PRSS38: variants seen among roughly 807,000 people sequenced by gnomAD.
The protein encoded by PRSS38 is marapsin 2.
A neutral mutation model predicts 26.8 loss-of-function variants in PRSS38; 22 were observed. The ratio of observed to expected loss-of-function variants is 0.82; its 90% CI spans 0.59 to 1.17. The LOEUF (loss-of-function observed/expected upper bound fraction) is 1.17, where lower values mean the gene tolerates loss of function less well. PRSS38 is among the 50% of genes most tolerant of loss of function. The pLI is 0.00. For missense variants in PRSS38, 427 were observed against 422.7 expected, an observed-to-expected ratio of 1.01 and a Z score of -0.09; for synonymous variants, 175 against 172.1, an observed-to-expected ratio of 1.02 and a Z score of -0.13.
chr1:227,831,617 G>A (rs1665154927), intron 3 of PRSS38, among the ~76,000 whole-genome samples: 1 of 152,170 alleles, frequency 6.6e-6, no homozygotes, highest in Non-Finnish European at 1.5e-5. Flanking sequence ...GCTCACACCT[G>A]TAATCCCAAC....
intron 3 of PRSS38, among the ~76,000 whole-genome samples, chr1:227,824,971 C>T (rs554274635): frequency 7.2e-5 from 11 of 152,028 alleles, no homozygotes; most frequent in Non-Finnish European, 1.3e-4. Flanking sequence ...GGATATTAGA[C>T]CTTTGTCAGA....
chr1:227,846,432 C>G, exon 5 of PRSS38: 1 of 591,236 alleles, frequency 1.7e-6, no homozygotes. Context: ...GCAGAGTGCA[C>G]CTGAGATTTG....
intron 3 of PRSS38, among the ~76,000 whole-genome samples, chr1:227,843,583 T>G (rs1665370327): frequency 6.6e-6 from 1 of 151,724 alleles, no homozygotes; most frequent in Admixed American, 6.6e-5. Flanking sequence ...ATGCCTGTAA[T>G]CCCAGCTACT....
chr1:227,832,763 A>G (rs923855146), intron 3 of PRSS38, among the ~76,000 whole-genome samples: 1 of 152,202 alleles, frequency 6.6e-6, no homozygotes, highest in Non-Finnish European at 1.5e-5. Flanking sequence ...AGAAAATCCC[A>G]ATGAATCCTA....
In PRSS38 at chr1:227,845,767, T is replaced by C. The variant is rs527857257; in HGVS notation, c.726+155T>C. Among the ~76,000 whole-genome samples the C allele has an allele frequency of 4.5e-3, 692 of 152,300 alleles. 1 individual carries two copies. Among genetic ancestry groups the C allele is most frequent in the Non-Finnish European group, 4.8e-3 (329 of 68,000 alleles). On this transcript the variant is annotated intron_variant, in intron 4 of 4. Transcript: ENST00000366757. ...TGTATGACAATGTGTGAACGCCGCA[T>C]GCCTGCAGCAGGCCTCCCCTGCAAC...
chr1:227,837,709 T>A (rs531920886), intron 3 of PRSS38, among the ~76,000 whole-genome samples: 3 of 152,296 alleles, frequency 2.0e-5, no homozygotes, highest in Non-Finnish European at 4.4e-5. Flanking sequence ...TTCAATCCCG[T>A]GAGCAATGTA....
At chr1:227,845,472 G>A in exon 4 of PRSS38, 1 of 1,609,546 alleles carries the variant, frequency 6.2e-7, no homozygotes. Context: ...TCCCACAGGT[G>A]AGACCTCAGA....
rs546351283 is a variant in PRSS38 at position 227,839,894 on chromosome 1, C to T, written c.584-5576C>T. ...CAGGTGCCAACAGCCACACCCTCAG[C>T]GGATCTTTATTCTGAGCCATGTCTT... is the stretch of plus-strand genomic sequence containing the variant. On this transcript the variant is annotated intron_variant, in intron 3 of 4. Coordinates refer to ENST00000366757, the Ensembl canonical transcript of PRSS38. 4.6e-5 allele frequency among the ~76,000 whole-genome samples: 7 copies of T among 152,270 alleles called. No individual in the cohort carries two copies. In the South Asian group the frequency reaches 1.2e-3, roughly 27 times the overall value.
intron 3 of PRSS38, among the ~76,000 whole-genome samples, chr1:227,841,470 C>T (rs1229789355): frequency 6.6e-6 from 1 of 152,234 alleles, no homozygotes; most frequent in Non-Finnish European, 1.5e-5. Flanking sequence ...GAAGGGGACC[C>T]ACTAGTGCAG....
intron 3 of PRSS38, among the ~76,000 whole-genome samples, chr1:227,831,606 G>A (rs1010583483): frequency 4.2e-4 from 64 of 152,258 alleles, no homozygotes; most frequent in African/African-American, 1.5e-3. Flanking sequence ...CAGGCGCGAT[G>A]GCTCACACCT....
intron 3 of PRSS38, among the ~76,000 whole-genome samples, chr1:227,832,786 C>T (rs1665174812): frequency 1.3e-5 from 2 of 152,284 alleles, no homozygotes; most frequent in South Asian, 4.2e-4. Flanking sequence ...AACAAATACA[C>T]AGTAACAACA....
In PRSS38 at chr1:227,834,825, T is replaced by C. The variant is rs149326835; in HGVS notation, c.584-10645T>C. 8.8e-4 allele frequency among the ~76,000 whole-genome samples: 134 copies of C among 152,278 alleles called. 1 individual carries two copies. The highest frequency in any genetic ancestry group is 3.0e-3 in the African/African-American group (125 of 41,550). On this transcript the variant is annotated intron_variant, in intron 3 of 4. Transcript: ENST00000366757. ...AGCCTAGGTAGGTAACAGACCTAAA[T>C]TGTCTCAAAAAAAATTGATAAATTG...
At chr1:227,840,258 A>G (rs1018932364) in intron 3 of PRSS38, among the ~76,000 whole-genome samples, 2 of 152,126 alleles carry the variant, frequency 1.3e-5, no homozygotes, top group African/African-American at 4.8e-5. Context: ...AGTAGCTGGG[A>G]CTATAGGCGT....
At chr1:227,845,974 TGTC>T in exon 5 of PRSS38, 1 of 1,614,146 alleles carries the variant, frequency 6.2e-7, no homozygotes, top group South Asian at 1.1e-5. Flanking sequence ...GGGGCCCACT[TGTC>T]TGTGAATTCA....
intron 3 of PRSS38, among the ~76,000 whole-genome samples, chr1:227,844,162 C>A (rs1308882252): frequency 6.6e-6 from 1 of 152,128 alleles, no homozygotes; most frequent in Non-Finnish European, 1.5e-5. Context: ...TTCAGGAAAC[C>A]AAACACAGGA....
At chr1:227,833,450 C>A (rs2102680963) in intron 3 of PRSS38, among the ~76,000 whole-genome samples, 1 of 151,998 alleles carries the variant, frequency 6.6e-6, no homozygotes, top group Non-Finnish European at 1.5e-5. Flanking sequence ...TCACTTGAAC[C>A]AAGGAGGCAG....
At chr1:227,818,080 A>G (rs897177204) in intron 3 of PRSS38, among the ~76,000 whole-genome samples, 11 of 152,014 alleles carry the variant, frequency 7.2e-5, no homozygotes, top group African/African-American at 2.4e-4. Context: ...CTCTCTTCCC[A>G]TATTTTATCT....
In PRSS38 at chr1:227,816,390, A is replaced by G. The variant is rs1456077212; in HGVS notation, c.311+138A>G. 1 of 906,308 alleles carries G rather than the reference A, an allele frequency of 1.1e-6. No individual in the cohort carries two copies. The highest frequency in any genetic ancestry group is 1.7e-6 in the Non-Finnish European group (1 of 601,684). The allele number at this position is 906,308 out of a possible 1,614,324, so 56.1% of individuals were successfully genotyped here. On this transcript the variant is annotated intron_variant, in intron 2 of 4. Coordinates refer to ENST00000366757, the Ensembl canonical transcript of PRSS38. The surrounding 1 kb of genome is among the most constrained non-coding windows in gnomAD (Gnocchi z 5.1). The stretch of plus-strand genomic sequence containing the variant: ...CACCACTGTCGACCCGCGCAAGGCC[A>G]GGTCCCCACCAGTGAGGCTGGTCCC...
At chr1:227,817,857 C>A (rs925035524) in intron 3 of PRSS38, among the ~76,000 whole-genome samples, 1 of 152,140 alleles carries the variant, frequency 6.6e-6, no homozygotes, top group African/African-American at 2.4e-5. Flanking sequence ...TATACCTGGG[C>A]ACTTTACAAT....
Sources: allele counts gnomAD v4.1 joint callset (sites outside exome capture counted in the v4.1 genomes callset), GRCh38; gene constraint gnomAD v4.1.1; non-coding constraint Gnocchi (gnomAD v3.1); transcripts MANE v1.5; gene names NCBI Gene and HGNC (gene_info 2026-07-23, HGNC 2026-07-21).